The following C8orf76 variants were observed in gnomAD, a reference collection of about 807,000 sequenced individuals.
C8orf76 encodes chromosome 8 open reading frame 76.
In C8orf76, 46 loss-of-function variants were observed where a neutral mutation model predicts 38.1. That is an observed-to-expected ratio of 1.21 (90% CI 0.95 to 1.54). C8orf76 has a LOEUF of 1.54. Ranked by LOEUF, C8orf76 falls within the 40% of genes most tolerant of loss-of-function variation. C8orf76 has a pLI of 0.00. For missense variants in C8orf76, 461 were observed against 441.6 expected, an observed-to-expected ratio of 1.04 and a Z score of -0.39; for synonymous variants, 166 against 167.5, an observed-to-expected ratio of 0.99 and a Z score of 0.07.
Position 123,231,325 on chromosome 8 carries a change from C to G in C8orf76, c.790G>C (p.Ala264Pro), listed in dbSNP as rs1000288390. ...ETVLIETQLK[A>P]CASFIRTRLL... ...CTGGTTCGTATAAAAGAGGCACATG[C>G]TTTCAGCTGAGTCTCTATCAACACT... Residue 264 changes from alanine to proline, a missense_variant, in exon 4 of 6, where the codon GCA (alanine) becomes CCA (proline). Ala to Pro is a conservative substitution (Grantham distance 27). Transcript: ENST00000276704. 3.1e-6 allele frequency: 5 copies of G among 1,611,662 alleles called. No homozygotes were observed. The highest frequency in any genetic ancestry group is 4.2e-6 in the Non-Finnish European group (5 of 1,179,214).
chr8:123,231,385 T>C lies in C8orf76; in HGVS notation c.730A>G (p.Asn244Asp). ...TTTTCTGCCATACAGTTTTGGATAT[T>C]TGTCAGAGCTTTCTCATTTTTCTGG... ...NSQKNEKALT[N>D]IQNCMAEKRE... The change falls in exon 4 of 6, where the codon AAT becomes GAT. Residue 244 changes from asparagine to aspartate, a missense_variant. Physicochemically the swap from Asn to Asp is conservative, Grantham distance 23. Transcript: ENST00000276704. 2 of 1,614,238 alleles carry C rather than the reference T, an allele frequency of 1.2e-6. No individual in the cohort carries two copies. The highest frequency in any genetic ancestry group is 1.1e-5 in the South Asian group (1 of 91,088).
chr8:123,231,905 AT>A lies in C8orf76; in HGVS notation c.358-149del, dbSNP rs923714051. 8.0e-6 allele frequency: 7 copies of A among 870,000 alleles called. No individual in the cohort carries two copies. In the African/African-American group the frequency reaches 1.0e-4, roughly 13 times the overall value. 53.9% of individuals were successfully genotyped at this position (870,000 alleles called of 1,614,324 possible). ...GAGTGACCTAAATATATTTCAATAT[AT>A]CTCATGTTTGAAACCGTAAACCCAG... On this transcript the variant is annotated intron_variant, in intron 3 of 5. Transcript: ENST00000276704.
At position 123,231,303 on chromosome 8, in the gene C8orf76, G is replaced by C; in HGVS notation, c.812C>G (p.Thr271Ser). Residue 271 changes from threonine (T) to serine (S), a missense_variant, in exon 4 of 6, where the codon ACC becomes AGC. Thr to Ser is a moderately conservative substitution (Grantham distance 58). Transcript: ENST00000276704. ...QLKACASFIR[T>S]RLLLQFTQPQ... ...GCTTAAGTGACTCTCAGCTTACCTG[G>C]TTCGTATAAAAGAGGCACATGCTTT... 6.2e-7 allele frequency: 1 copy of C among 1,604,324 alleles called. No homozygotes were observed. Among genetic ancestry groups the C allele is most frequent in the Non-Finnish European group, 8.5e-7 (1 of 1,175,274 alleles).
In C8orf76 at chr8:123,231,568, C is replaced by A; in HGVS notation, c.547G>T (p.Ala183Ser). 1 of 1,614,234 alleles carries A rather than the reference C, an allele frequency of 6.2e-7. No individual in the cohort carries two copies. The highest frequency in any genetic ancestry group is 8.5e-7 in the Non-Finnish European group (1 of 1,180,050). Residue 183 changes from alanine (A) to serine (S), a missense_variant, in exon 4 of 6, where the codon GCA becomes TCA. Physicochemically the swap from Ala to Ser is moderately conservative, Grantham distance 99. Coordinates refer to ENST00000276704, the MANE Select transcript of C8orf76 (RefSeq NM_032847.3). ...AYLNLGPALS[A>S]ALASSQKQHS... Reference sequence around the variant, plus strand: ...TGTTTCTGAGATGACGCAAGTGCTGCTGAAAGAGCTGGCCCCAGATTCAGG... The same window carrying A: ...TGTTTCTGAGATGACGCAAGTGCTGATGAAAGAGCTGGCCCCAGATTCAGG...
intron 5 of C8orf76, 37 bp downstream of exon 5, chr8:123,226,463 A>C: frequency 6.2e-7 from 1 of 1,602,160 alleles, no homozygotes; most frequent in Non-Finnish European, 8.5e-7. Context: ...AATATCTATG[A>C]TGCTTCGTTT....
chr8:123,236,809 T>G, intron 3 of C8orf76: 1 of 587,874 alleles, frequency 1.7e-6, no homozygotes. Flanking sequence ...GAAAGAAAAA[T>G]TCCCTTTTTC....
intron 3 of C8orf76, among the ~76,000 whole-genome samples, chr8:123,235,078 A>C (rs1187323595): frequency 6.6e-6 from 1 of 152,240 alleles, no homozygotes; most frequent in Admixed American, 6.5e-5. Flanking sequence ...CAGAACCAGG[A>C]AAATAGTAGG....
At chr8:123,234,598 G>A (rs1420960343) in intron 3 of C8orf76, among the ~76,000 whole-genome samples, 4 of 151,874 alleles carry the variant, frequency 2.6e-5, no homozygotes, top group Admixed American at 6.6e-5. Flanking sequence ...ATGAAACCCC[G>A]TCTCTACTAA....
chr8:123,224,710 A>G (rs979273039), intron 5 of C8orf76, among the ~76,000 whole-genome samples: 3 of 152,244 alleles, frequency 2.0e-5, no homozygotes, highest in African/African-American at 7.2e-5. Flanking sequence ...CTCCACTGGT[A>G]TATCACATGC....
chr8:123,223,932 G>A (rs1244790122), intron 5 of C8orf76, among the ~76,000 whole-genome samples: 2 of 152,186 alleles, frequency 1.3e-5, no homozygotes, highest in Non-Finnish European at 2.9e-5. Context: ...TAGTAGATTA[G>A]AGGTTCTAGT....
At chr8:123,226,703 A>C (rs545919624) in intron 4 of C8orf76, 71 bp from the exon 5 acceptor site, 2 of 1,508,582 alleles carry the variant, frequency 1.3e-6, no homozygotes, top group Non-Finnish European at 1.8e-6. Context: ...AGCCGCGAGG[A>C]AATGTTCAGA....
chr8:123,234,773 A>AT (rs1336732831), intron 3 of C8orf76, among the ~76,000 whole-genome samples: 1 of 151,422 alleles, frequency 6.6e-6, no homozygotes, highest in Non-Finnish European at 1.5e-5. Flanking sequence ...CATCTAAAAA[A>AT]CAAAAAAACA....
chr8:123,239,219 A>C, intron 1 of C8orf76, 75 bp from the exon 2 acceptor site: 1 of 1,477,870 alleles, frequency 6.8e-7, no homozygotes, highest in Non-Finnish European at 9.4e-7. Flanking sequence ...AATTTCCCAT[A>C]ATATAATTGA....
chr8:123,239,242 A>AAAAGACTTC lies in C8orf76; in HGVS notation c.118-107_118-99dup, dbSNP rs1788416403. The AAAAGACTTC allele has an allele frequency of 3.8e-6, 5 of 1,325,464 alleles. No homozygotes were observed. The South Asian group carries it at 6.1e-5, about 16-fold the overall frequency. 82.1% of individuals were successfully genotyped at this position (1,325,464 alleles called of 1,614,324 possible). ...ATAATATAATTGATTAAACGTCAAA[A>AAAAGACTTC]AAAGACTTCTTCAAGAGTCTGGCCA... On this transcript the variant is annotated intron_variant, in intron 1 of 5. Transcript: ENST00000276704.
chr8:123,235,838 G>T (rs1825451610), intron 3 of C8orf76, among the ~76,000 whole-genome samples: 1 of 152,134 alleles, frequency 6.6e-6, no homozygotes, highest in African/African-American at 2.4e-5. Flanking sequence ...AGGAGGAGGA[G>T]GAAGCACAAC....
chr8:123,230,654 TC>T (rs1205559257), intron 4 of C8orf76, among the ~76,000 whole-genome samples: 1 of 145,618 alleles, frequency 6.9e-6, no homozygotes, highest in African/African-American at 2.8e-5. Context: ...CCTGGTCAAC[TC>T]TTTTTTTTTT....
intron 3 of C8orf76, chr8:123,237,169 A>C: frequency 1.4e-6 from 1 of 728,252 alleles, no homozygotes; most frequent in Non-Finnish European, 2.5e-6. Context: ...CAACTCCCGC[A>C]AGAAGCGCGG....
At chr8:123,227,211 GTCTCCTC>G (rs1216512739) in intron 4 of C8orf76, among the ~76,000 whole-genome samples, 2 of 150,734 alleles carry the variant, frequency 1.3e-5, no homozygotes, top group African/African-American at 2.4e-5. Flanking sequence ...ATCATAGCTG[GTCTCCTC>G]TCTCATTTAA....
At chr8:123,237,385 T>C (rs1261365666) in intron 3 of C8orf76, among the ~76,000 whole-genome samples, 1 of 152,190 alleles carries the variant, frequency 6.6e-6, no homozygotes, top group Admixed American at 6.5e-5. Context: ...TGTGGCTTGG[T>C]AATGAGTATT....
Sources: gnomAD v4.1 joint callset for allele counts (sites outside exome capture counted in the v4.1 genomes callset) on GRCh38, gnomAD v4.1.1 for gene constraint, MANE v1.5 for transcripts, NCBI Gene and HGNC (gene_info 2026-07-23, HGNC 2026-07-21) for gene names.